Variants in ARB2A observed in about 807,000 individuals in gnomAD.
ARB2A encodes the protein cotranscriptional regulator ARB2A.
the ARB2A span, among the ~76,000 whole-genome samples, chr5:93,964,895 C>G: frequency 5.9e-5 from 9 of 151,912 alleles, no homozygotes; most frequent in African/African-American, 2.2e-4. Flanking sequence ...CTTAGTGACT[C>G]TGAATCTCAA....
the ARB2A span, among the ~76,000 whole-genome samples, chr5:94,068,862 CAAAAAAAA>C: frequency 1.6e-5 from 1 of 62,352 alleles, no homozygotes; most frequent in South Asian, 7.2e-4. Context: ...ACTAAAAATA[CAAAAAAAA>C]AAAAAAAAAA....
chr5:94,066,436 A>T, the ARB2A span, among the ~76,000 whole-genome samples: 6 of 150,336 alleles, frequency 4.0e-5, no homozygotes, highest in Non-Finnish European at 8.9e-5. Flanking sequence ...ACACACACAC[A>T]CACACACACA....
At chr5:93,840,348 G>C in the ARB2A span, among the ~76,000 whole-genome samples, 2 of 152,148 alleles carry the variant, frequency 1.3e-5, no homozygotes, top group African/African-American at 4.8e-5. Flanking sequence ...AGTGAATATA[G>C]CTGACAAACG....
chr5:94,020,819 A>G, the ARB2A span, among the ~76,000 whole-genome samples: 1 of 152,212 alleles, frequency 6.6e-6, no homozygotes. Context: ...AAGATTTTGG[A>G]AGTGTCTACG....
At chr5:93,908,906 G>A in the ARB2A span, among the ~76,000 whole-genome samples, 1 of 150,922 alleles carries the variant, frequency 6.6e-6, no homozygotes, top group African/African-American at 2.4e-5. Context: ...AAGAGCTATT[G>A]TATAAAGAAA....
the ARB2A span, among the ~76,000 whole-genome samples, chr5:93,621,963 G>C: frequency 6.6e-6 from 1 of 151,986 alleles, no homozygotes; most frequent in African/African-American, 2.4e-5. Flanking sequence ...CAATTTATGG[G>C]GTTACTTTAT....
chr5:94,109,913 C>G, the ARB2A span, among the ~76,000 whole-genome samples: 2 of 123,518 alleles, frequency 1.6e-5, no homozygotes, highest in African/African-American at 6.2e-5. Flanking sequence ...GAGACGGAGT[C>G]TCGATCTGTC....
the ARB2A span, among the ~76,000 whole-genome samples, chr5:94,055,279 A>G: frequency 6.6e-6 from 1 of 152,226 alleles, no homozygotes; most frequent in Non-Finnish European, 1.5e-5. Flanking sequence ...CACTCTTAGA[A>G]TATGTTGTGA....
the ARB2A span, among the ~76,000 whole-genome samples, chr5:93,859,244 T>G: frequency 6.6e-6 from 1 of 152,118 alleles, no homozygotes; most frequent in East Asian, 1.9e-4. Flanking sequence ...AAAAACAAAT[T>G]TCTAGTGGTT....
At chr5:93,751,701 T>G in the ARB2A span, among the ~76,000 whole-genome samples, 1 of 152,222 alleles carries the variant, frequency 6.6e-6, no homozygotes, top group Non-Finnish European at 1.5e-5. Context: ...GAATATGCAT[T>G]TTAGATGTTC....
the ARB2A span, among the ~76,000 whole-genome samples, chr5:93,888,514 G>A: frequency 3.3e-5 from 5 of 151,758 alleles, no homozygotes; most frequent in Non-Finnish European, 7.4e-5. Flanking sequence ...TTATGCCTGT[G>A]CGTTTTAAAA....
chr5:93,858,636 C>T, the ARB2A span, among the ~76,000 whole-genome samples: 1 of 151,950 alleles, frequency 6.6e-6, no homozygotes, highest in Non-Finnish European at 1.5e-5. Flanking sequence ...TTCTAGAGCC[C>T]ATCATCTATT....
At chr5:93,670,996 G>A in the ARB2A span, among the ~76,000 whole-genome samples, 18 of 152,166 alleles carry the variant, frequency 1.2e-4, no homozygotes, top group African/African-American at 3.9e-4. Flanking sequence ...GGAGCATCCA[G>A]AATGCCACTA....
At chr5:94,051,782 G>C in the ARB2A span, among the ~76,000 whole-genome samples, 1 of 152,038 alleles carries the variant, frequency 6.6e-6, no homozygotes, top group Non-Finnish European at 1.5e-5. Context: ...TATAGAAAAG[G>C]ACTCTCCTCA....
chr5:93,754,726 A>G, the ARB2A span, among the ~76,000 whole-genome samples: 1 of 152,160 alleles, frequency 6.6e-6, no homozygotes, highest in Admixed American at 6.5e-5. Flanking sequence ...ATTTTGGGGG[A>G]GCAGCACATC....
the ARB2A span, among the ~76,000 whole-genome samples, chr5:93,767,231 A>T: frequency 6.6e-6 from 1 of 152,212 alleles, no homozygotes; most frequent in Non-Finnish European, 1.5e-5. Flanking sequence ...GGATATGAAT[A>T]GACAATTCTC....
the ARB2A span, among the ~76,000 whole-genome samples, chr5:93,921,157 TAAAAA>T: frequency 8.1e-6 from 1 of 124,164 alleles, no homozygotes; most frequent in Non-Finnish European, 1.7e-5. Flanking sequence ...AAGACCATGT[TAAAAA>T]AAAAAAAAAA....
chr5:93,678,287 A>C, the ARB2A span, among the ~76,000 whole-genome samples: 1 of 152,192 alleles, frequency 6.6e-6, no homozygotes, highest in Non-Finnish European at 1.5e-5. Flanking sequence ...AAAGACAACA[A>C]AATTATAGAA....
chr5:93,645,576 G>GAAAA, the ARB2A span, among the ~76,000 whole-genome samples: 1 of 90,114 alleles, frequency 1.1e-5, no homozygotes, highest in Non-Finnish European at 2.6e-5. Context: ...CCGTCTCAAA[G>GAAAA]AAAAAAAAAA....
Sources: allele counts gnomAD v4.1 joint callset (sites outside exome capture counted in the v4.1 genomes callset), GRCh38; gene constraint gnomAD v4.1.1; transcripts MANE v1.5; gene names NCBI Gene and HGNC (gene_info 2026-07-23, HGNC 2026-07-21).